Variants in TANGO6 observed in about 807,000 individuals in gnomAD.
TANGO6 encodes the protein transport and Golgi organization protein 6 homolog.
Under a neutral mutation model 114.2 loss-of-function variants are expected in TANGO6, and 90 were observed. That is an observed-to-expected ratio of 0.79 (90% CI 0.66 to 0.94). TANGO6 has a LOEUF of 0.94. TANGO6 is among the 40% of genes least tolerant of loss of function. TANGO6 has a pLI of 0.00. For synonymous variants in TANGO6, 477 were observed against 509.8 expected, an observed-to-expected ratio of 0.94 and a Z score of 0.87; for missense variants, 1,274 against 1,315.3, an observed-to-expected ratio of 0.97 and a Z score of 0.49.
intron 14 of TANGO6, among the ~76,000 whole-genome samples, chr16:68,953,054 TTA>T (rs1226562860): frequency 4.6e-4 from 27 of 59,092 alleles, no homozygotes; most frequent in Non-Finnish European, 8.0e-4. Context: ...GTATTTTTTA[TTA>T]TTATTATTAT....
intron 17 of TANGO6, among the ~76,000 whole-genome samples, chr16:69,056,992 A>ATT (rs1960041354): frequency 2.8e-5 from 2 of 72,348 alleles, no homozygotes; most frequent in African/African-American, 6.2e-5. Flanking sequence ...GAATGGCCTG[A>ATT]TTTTCTTTTT....
At chr16:68,990,355 T>G (rs1320930890) in intron 15 of TANGO6, among the ~76,000 whole-genome samples, 1 of 152,140 alleles carries the variant, frequency 6.6e-6, no homozygotes, top group African/African-American at 2.4e-5. Context: ...TGCCACATGG[T>G]GGCAGGTAAA....
intron 15 of TANGO6, among the ~76,000 whole-genome samples, chr16:69,016,303 C>T (rs1463612175): frequency 3.3e-5 from 5 of 151,738 alleles, no homozygotes; most frequent in Non-Finnish European, 7.4e-5. Context: ...GAGGCTGAGG[C>T]AGGAGAATTA....
intron 7 of TANGO6, among the ~76,000 whole-genome samples, chr16:68,892,394 G>C (rs1962635393): frequency 6.6e-6 from 1 of 152,180 alleles, no homozygotes; most frequent in South Asian, 2.1e-4. Flanking sequence ...GTTGGTACCA[G>C]TCTGTATCCT....
intron 9 of TANGO6, among the ~76,000 whole-genome samples, chr16:68,907,227 G>A (rs931458704): frequency 5.9e-5 from 9 of 151,496 alleles, no homozygotes; most frequent in Admixed American, 2.0e-4. Flanking sequence ...GATTACAGGC[G>A]TGAGCCACCG....
chr16:68,915,763 G>C (rs534567094), intron 11 of TANGO6, among the ~76,000 whole-genome samples: 11 of 152,268 alleles, frequency 7.2e-5, no homozygotes, highest in Non-Finnish European at 1.6e-4. Flanking sequence ...AACCTTTCTA[G>C]TTTCCTGCGT....
chr16:68,955,116 A>T (rs1231469975), intron 14 of TANGO6, among the ~76,000 whole-genome samples: 1 of 152,194 alleles, frequency 6.6e-6, no homozygotes, highest in Non-Finnish European at 1.5e-5. Context: ...GCACAGAGTG[A>T]CTATGGCTTT....
At chr16:68,915,568 A>G (rs1962992309) in intron 11 of TANGO6, among the ~76,000 whole-genome samples, 1 of 152,194 alleles carries the variant, frequency 6.6e-6, no homozygotes, top group African/African-American at 2.4e-5. Flanking sequence ...CCAGCTAAGG[A>G]GTGCTTTAGA....
Position 68,906,984 on chromosome 16 carries a change from G to A in TANGO6, c.1668-459G>A, listed in dbSNP as rs141903325. ...AATTTTTGTATTTTTTAGTAGAGAC[G>A]GGGTTTCACCATGTTGGCCAGGCTA... On this transcript the variant is annotated intron_variant, in intron 9 of 17. Coordinates refer to ENST00000261778, the MANE Select transcript of TANGO6 (RefSeq NM_024562.2). Among the ~76,000 whole-genome samples, 1,046 of 151,680 alleles carry A rather than the reference G, an allele frequency of 6.9e-3. 11 individuals carry two copies. The highest frequency in any genetic ancestry group is 0.024 in the African/African-American group (996 of 41,356).
At chr16:68,931,623 T>C (rs1321550972) in intron 14 of TANGO6, among the ~76,000 whole-genome samples, 1 of 152,138 alleles carries the variant, frequency 6.6e-6, no homozygotes, top group Non-Finnish European at 1.5e-5. Context: ...GAAAACATGG[T>C]AAGTGAAAGA....
rs1003135752 is a variant in TANGO6, at chr16:68,986,767, T to C, written c.2842+12599T>C. 7.3e-5 allele frequency among the ~76,000 whole-genome samples: 11 copies of C among 151,584 alleles called. 1 individual carries two copies. The highest frequency in any genetic ancestry group is 1.9e-4 in the East Asian group (1 of 5,160). ...TAGAAATACAAAAATTAGCCAAGAG[T>C]GATGGCACACACCTGTAATCCCAGC... On this transcript the variant is annotated intron_variant, in intron 15 of 17. Coordinates refer to ENST00000261778, the MANE Select transcript of TANGO6 (RefSeq NM_024562.2).
chr16:69,008,222 A>C (rs542312553), intron 15 of TANGO6, among the ~76,000 whole-genome samples: 1 of 152,252 alleles, frequency 6.6e-6, no homozygotes, highest in South Asian at 2.1e-4. Flanking sequence ...CCTCCCCACC[A>C]CACAGCCTCC....
intron 7 of TANGO6, among the ~76,000 whole-genome samples, chr16:68,897,234 T>G (rs999402055): frequency 1.3e-4 from 20 of 152,120 alleles, no homozygotes; most frequent in Non-Finnish European, 4.4e-5. Flanking sequence ...TTTCTTTCTC[T>G]TTCTGCATGC....
In TANGO6 at chr16:68,860,294, T is replaced by C. The variant is rs1281563719; in HGVS notation, c.505T>C (p.Leu169=). The part of the protein sequence containing the change: ...PYLMPGVGVP[L]RYRTEFGAVV... ...TCTCATGCCTGGTGTTGGAGTCCCT[T>C]TGAGATATAGAACTGAATTTGGTGC... Residue 169 remains leucine, a synonymous_variant, in exon 2 of 18, where the codon TTG becomes CTG. Transcript: ENST00000261778. 1 of 1,613,742 alleles carries C rather than the reference T, an allele frequency of 6.2e-7. No individual in the cohort carries two copies. The highest frequency in any genetic ancestry group is 1.3e-5 in the African/African-American group (1 of 74,862).
Position 68,909,226 on chromosome 16 carries a change from G to C in TANGO6, c.1816G>C (p.Ala606Pro). The change falls in exon 11 of 18, where the codon GCC (alanine) becomes CCC (proline). Residue 606 changes from alanine (A) to proline (P), a missense_variant. Physicochemically the swap from Ala to Pro is conservative, Grantham distance 27 (BLOSUM62 -1). Coordinates refer to ENST00000261778, the MANE Select transcript of TANGO6 (RefSeq NM_024562.2). ...ATGCTTGTAGGAGTTGACTCATGTGGCCTCGGAAAATGAAACAGAGTTAAA... is the reference window on the plus strand; with the variant it reads ...ATGCTTGTAGGAGTTGACTCATGTGCCCTCGGAAAATGAAACAGAGTTAAA... Reference protein sequence around the residue: ...IFCLKELTHVASENETELKTE... With the variant: ...IFCLKELTHVPSENETELKTE... The C allele has an allele frequency of 6.3e-7, 1 of 1,581,682 alleles. No individual in the cohort carries two copies. Among genetic ancestry groups the C allele is most frequent in the Admixed American group, 1.8e-5 (1 of 56,132 alleles).
At chr16:68,932,221 G>A (rs1963251899) in intron 14 of TANGO6, among the ~76,000 whole-genome samples, 1 of 152,044 alleles carries the variant, frequency 6.6e-6, no homozygotes, top group South Asian at 2.1e-4. Context: ...CTCCCGAGTA[G>A]CTGGGATTAC....
At chr16:69,072,694 T>C (rs1275683670) in intron 17 of TANGO6, among the ~76,000 whole-genome samples, 1 of 152,128 alleles carries the variant, frequency 6.6e-6, no homozygotes, top group Non-Finnish European at 1.5e-5. Context: ...CAGGAGGCTT[T>C]GCTTAACACT....
intron 14 of TANGO6, among the ~76,000 whole-genome samples, chr16:68,968,794 C>A (rs2040909859): frequency 6.6e-6 from 1 of 151,722 alleles, no homozygotes; most frequent in Admixed American, 6.6e-5. Flanking sequence ...CCTCAGCCTC[C>A]CGAGTAGCTG....
At chr16:68,941,326 A>G (rs568947415) in intron 14 of TANGO6, among the ~76,000 whole-genome samples, 2 of 152,350 alleles carry the variant, frequency 1.3e-5, no homozygotes, top group African/African-American at 4.8e-5. Flanking sequence ...AATGTTTTAA[A>G]TAAAAGTCAT....
Sources: gnomAD v4.1 joint callset for allele counts (sites outside exome capture counted in the v4.1 genomes callset) on GRCh38, gnomAD v4.1.1 for gene constraint, MANE v1.5 for transcripts, NCBI Gene and HGNC (gene_info 2026-07-23, HGNC 2026-07-21) for gene names.